Variants in TBC1D17 observed in about 807,000 individuals in gnomAD.
The protein encoded by TBC1D17 is TBC1 domain family member 17.
A neutral mutation model predicts 78.8 loss-of-function variants in TBC1D17; 69 were observed. That is an observed-to-expected ratio of 0.88 (90% confidence interval 0.72 to 1.07). TBC1D17 has a LOEUF of 1.07. Among genes scored for constraint, TBC1D17 ranks in the 50% least tolerant of loss-of-function variants. The pLI is 0.00. For missense variants in TBC1D17, 957 were observed against 861.0 expected (o/e 1.11, Z -1.39); for synonymous variants, 456 against 358.3 (o/e 1.27, Z -3.08).
intron 13 of TBC1D17, among the ~76,000 whole-genome samples, chr19:49,885,843 G>A (rs1244132865): frequency 6.6e-6 from 1 of 151,678 alleles, no homozygotes; most frequent in Non-Finnish European, 1.5e-5. Context: ...CCGTGGTGGC[G>A]CCCACCTGTA....
Position 49,878,155 on chromosome 19 carries a change from A to C in TBC1D17, c.34A>C (p.Lys12Gln). The change falls in exon 2 of 17, where the codon AAG becomes CAG. Residue 12 changes from lysine to glutamine, a missense_variant. By Grantham distance (53) the Lys-to-Gln change is moderately conservative (BLOSUM62 1). Coordinates refer to ENST00000221543, the MANE Select transcript of TBC1D17 (RefSeq NM_024682.3). ...EGAGYRVVFEKGGVYLHTSAK... is the reference protein window; with the variant it reads ...EGAGYRVVFEQGGVYLHTSAK... ...CCCCCCAACTCAGGTGGTGTTTGAG[A>C]AGGGCGGAGTGTACCTGCACACCAG... 6.3e-7 allele frequency: 1 copy of C among 1,578,170 alleles called. No homozygotes were observed. Among genetic ancestry groups the C allele is most frequent in the Non-Finnish European group, 8.6e-7 (1 of 1,162,514 alleles).
chr19:49,884,853 C>T (rs975531471), intron 13 of TBC1D17, 95 bp downstream of exon 13: 27 of 1,103,312 alleles, frequency 2.4e-5, no homozygotes, highest in Non-Finnish European at 3.4e-5. Context: ...GACATTGGGT[C>T]CTGATCCAAA....
intron 15 of TBC1D17, 97 bp from the exon 16 acceptor site, chr19:49,888,134 G>T (rs772821095): frequency 2.6e-6 from 4 of 1,536,008 alleles, no homozygotes; most frequent in African/African-American, 1.4e-5. Flanking sequence ...GGGCCAGCCC[G>T]GTGTGTCTTC....
At chr19:49,881,599 C>A in intron 5 of TBC1D17, 124 bp downstream of exon 5, 1 of 954,828 alleles carries the variant, frequency 1.0e-6, no homozygotes, top group Non-Finnish European at 1.5e-6. Flanking sequence ...AAGAGTTGAC[C>A]AGCACATATA....
At chr19:49,879,014 C>G (rs2122421032) in intron 3 of TBC1D17, 1 of 172,250 alleles carries the variant, frequency 5.8e-6, no homozygotes, top group African/African-American at 2.4e-5. Flanking sequence ...ATTCTGAGAC[C>G]CAGAGATAAG....
chr19:49,881,800 C>G (rs1277749929), intron 5 of TBC1D17, among the ~76,000 whole-genome samples: 1 of 152,200 alleles, frequency 6.6e-6, no homozygotes, highest in African/African-American at 2.4e-5. Context: ...TTCTCATTGG[C>G]TCGTCCCTGA....
rs140642328 is a variant in TBC1D17 at position 49,878,558 on chromosome 19, C to A, written c.181C>A (p.Leu61Ile). 5.6e-5 allele frequency: 90 copies of A among 1,614,114 alleles called. No homozygotes were observed. In the African/African-American group the frequency reaches 1.1e-3, roughly 20 times the overall value. The change falls in exon 3 of 17, where the codon CTC becomes ATC. Residue 61 changes from leucine (L) to isoleucine (I), a missense_variant. Physicochemically the swap from Leu to Ile is conservative, Grantham distance 5 (BLOSUM62 2). Coordinates refer to ENST00000221543, the MANE Select transcript of TBC1D17 (RefSeq NM_024682.3). ...GGAGGCTGGAGATTCCACCCAAATC[C>A]TCTTCTCCAAGAAGGTAGGCTCCAC... Reference protein sequence around the residue: ...VEEAGDSTQILFSKKDSSGGD... With the variant: ...VEEAGDSTQIIFSKKDSSGGD...
At chr19:49,887,967 G>T in intron 15 of TBC1D17, 133 bp downstream of exon 15, 5 of 924,266 alleles carry the variant, frequency 5.4e-6, no homozygotes, top group Non-Finnish European at 8.1e-6. Context: ...AGTGGGGGTG[G>T]GGCCGCGTAG....
At chr19:49,885,202 CTT>C (rs1404244061) in intron 13 of TBC1D17, 1 of 187,788 alleles carries the variant, frequency 5.3e-6, no homozygotes, top group Admixed American at 5.4e-5. Context: ...AATCCCAGCA[CTT>C]TGGGAGGCCA....
At position 49,877,867 on chromosome 19, in the gene TBC1D17, T is replaced by C. The variant is rs948494254; in HGVS notation, c.21+123T>C. The C allele has an allele frequency of 4.9e-6, 6 of 1,230,634 alleles. No individual in the cohort carries two copies. The African/African-American group carries it at 7.6e-5, about 16-fold the overall frequency. 76.2% of individuals were successfully genotyped at this position (1,230,634 alleles called of 1,614,324 possible). A position where few individuals can be genotyped will look rare whatever the true frequency, so the allele number is the denominator to read the frequency against. ...ACGGCCTTGGCAAACACCGATCTCT[T>C]ATAAACGCGCCGTCACCCTCCCGTC... On this transcript the variant is annotated intron_variant, in intron 1 of 16. Transcript: ENST00000221543.
At chr19:49,880,482 G>T (rs2075003766) in intron 4 of TBC1D17, 80 bp downstream of exon 4, 33 of 1,531,540 alleles carry the variant, frequency 2.2e-5, no homozygotes, top group Non-Finnish European at 2.9e-5. Flanking sequence ...ACGGTCCCAA[G>T]GGCTTTGCTG....
intron 3 of TBC1D17, among the ~76,000 whole-genome samples, chr19:49,879,852 T>C (rs1472122171): frequency 2.3e-5 from 3 of 132,044 alleles, no homozygotes; most frequent in African/African-American, 8.6e-5. Flanking sequence ...CTTTTTTCTT[T>C]TTTTTTTTTT....
In TBC1D17 at chr19:49,884,524, G is replaced by A. The variant is rs1221430033; in HGVS notation, c.1309G>A (p.Ala437Thr). 2 of 1,614,090 alleles carry A rather than the reference G, an allele frequency of 1.2e-6. No individual in the cohort carries two copies. The highest frequency in any genetic ancestry group is 4.5e-5 in the East Asian group (2 of 44,894). Reference protein sequence around the residue: ...ILYVIQNEVDAFWCFCGFMEL... With the variant: ...ILYVIQNEVDTFWCFCGFMEL... ...CTACGTCATTCAGAACGAGGTGGAT[G>A]CTTTCTGGTGTTTCTGTGGCTTCAT... The change falls in exon 12 of 17, where the codon GCT becomes ACT. Residue 437 changes from alanine (A) to threonine (T), a missense_variant. Coordinates refer to ENST00000221543, the MANE Select transcript of TBC1D17 (RefSeq NM_024682.3).
In TBC1D17 at chr19:49,887,732, G is replaced by A. The variant is rs2075071168; in HGVS notation, c.1557G>A (p.Gly519=). The change falls in exon 15 of 17, where the codon GGG becomes GGA. Residue 519 remains glycine (G), a synonymous_variant. Coordinates refer to ENST00000221543, the MANE Select transcript of TBC1D17 (RefSeq NM_024682.3). ...VLRLWEVLWT[G]LPGPNLHLLV... is the part of the protein sequence containing the mutation. ...CGCACCCTCAGGTGCTGTGGACAGG[G>A]CTCCCTGGCCCCAATCTGCACCTGC... is the stretch of plus-strand genomic sequence containing the variant. 1 of 1,613,854 alleles carries A rather than the reference G, an allele frequency of 6.2e-7. No homozygotes were observed. Among genetic ancestry groups the A allele is most frequent in the Non-Finnish European group, 8.5e-7 (1 of 1,179,952 alleles).
At position 49,882,863 on chromosome 19, in the gene TBC1D17, C is replaced by G. The variant is rs1205068781; in HGVS notation, c.898C>G (p.Pro300Ala). Residue 300 changes from proline to alanine, a missense_variant, in exon 8 of 17, where the codon CCT becomes GCT. Coordinates refer to ENST00000221543, the MANE Select transcript of TBC1D17 (RefSeq NM_024682.3). ...CCCTGAAGGTCGCCTGCAGCAGGTCCCTGAGCTGAAGAACCGGATCTTCTC... is the reference window on the plus strand; with the variant it reads ...CCCTGAAGGTCGCCTGCAGCAGGTCGCTGAGCTGAAGAACCGGATCTTCTC... ...VGPEGRLQQV[P>A]ELKNRIFSGG... The G allele has an allele frequency of 4.3e-6, 7 of 1,610,476 alleles. No homozygotes were observed. The highest frequency in any genetic ancestry group is 1.3e-5 in the African/African-American group (1 of 74,730).
chr19:49,882,761 C>T lies in TBC1D17; in HGVS notation c.799-3C>T. On this transcript the variant is annotated splice_region_variant and splice_polypyrimidine_tract_variant and intron_variant, in intron 7 of 16. Transcript: ENST00000221543. ...CCCAGGCTCATTTGCTCTTTGCCTG[C>T]AGGTGGAGCTGGGGCCTCGGCCAAC... The T allele has an allele frequency of 6.4e-7, 1 of 1,555,488 alleles. No homozygotes were observed. Among genetic ancestry groups the T allele is most frequent in the Non-Finnish European group, 8.7e-7 (1 of 1,151,022 alleles).
At position 49,888,718 on chromosome 19, in the gene TBC1D17, C is replaced by T. The variant is rs1056709535; in HGVS notation, c.*94C>T. On this transcript the variant is annotated 3_prime_UTR_variant, in exon 17 of 17. Transcript: ENST00000221543. ...TGTGCTCCGCCGCCCTGCTGATAAG[C>T]TGGCTTCATTAAACTGACACTTCTC... 7.6e-6 allele frequency: 9 copies of T among 1,191,982 alleles called. No homozygotes were observed. In the Admixed American group the frequency reaches 8.5e-5, roughly 11 times the overall value. 73.8% of individuals were successfully genotyped at this position (1,191,982 alleles called of 1,614,324 possible).
intron 3 of TBC1D17, chr19:49,879,597 GTTA>G (rs1328193271): frequency 2.0e-5 from 3 of 148,548 alleles, no homozygotes; most frequent in African/African-American, 4.9e-5. Context: ...TTTTGTTGTT[GTTA>G]TTGTTTTTTT....
rs1161114114 is a variant in TBC1D17 at position 49,884,259 on chromosome 19, A to G, written c.1133A>G (p.Asp378Gly). The change falls in exon 11 of 17, where the codon GAT (aspartate) becomes GGT (glycine). Residue 378 changes from aspartate (D) to glycine (G), a missense_variant. Coordinates refer to ENST00000221543, the MANE Select transcript of TBC1D17 (RefSeq NM_024682.3). ...LHGYRSLIER[D>G]VSRTDRTNKF... Reference sequence around the variant, plus strand: ...CTGTGCCCGGTCCCCGCAGAAAGGGATGTGAGCCGCACTGACAGGACCAAC... The same window carrying G: ...CTGTGCCCGGTCCCCGCAGAAAGGGGTGTGAGCCGCACTGACAGGACCAAC... The G allele has an allele frequency of 1.2e-6, 2 of 1,613,676 alleles. No homozygotes were observed. Among genetic ancestry groups the G allele is most frequent in the African/African-American group, 2.7e-5 (2 of 74,924 alleles).
Sources: gnomAD v4.1 joint callset for allele counts (sites outside exome capture counted in the v4.1 genomes callset) on GRCh38, gnomAD v4.1.1 for gene constraint, MANE v1.5 for transcripts, NCBI Gene and HGNC (gene_info 2026-07-23, HGNC 2026-07-21) for gene names.